GRK4: variants seen among roughly 807,000 people sequenced by gnomAD.
GRK4 encodes G protein-coupled receptor kinase 2-like.
In GRK4, 73 loss-of-function variants were observed where a neutral mutation model predicts 77.9. The ratio of observed to expected loss-of-function variants is 0.94; its 90% CI spans 0.78 to 1.14. The LOEUF is 1.14. GRK4 is among the 50% of genes most tolerant of loss of function. The pLI, the probability that GRK4 is intolerant of heterozygous loss-of-function variation, is 0.00. For synonymous variants in GRK4, 257 were observed against 254.4 expected (o/e 1.01, Z -0.10); for missense variants, 729 against 700.2 (o/e 1.04, Z -0.46).
At chr4:2,968,686 A>G (rs985742676) in intron 1 of GRK4, among the ~76,000 whole-genome samples, 6 of 152,170 alleles carry the variant, frequency 3.9e-5, no homozygotes, top group Non-Finnish European at 1.5e-5. Flanking sequence ...GACGTGTGGC[A>G]TATTAGCAAG....
At chr4:3,006,169 C>G (rs1287195880) in intron 5 of GRK4, among the ~76,000 whole-genome samples, 1 of 152,054 alleles carries the variant, frequency 6.6e-6, no homozygotes, top group Non-Finnish European at 1.5e-5. Flanking sequence ...CACCTGAGGT[C>G]AGGAGTTCGA....
chr4:3,005,165 A>T lies in GRK4; in HGVS notation c.443+831A>T, dbSNP rs1246599119. Among the ~76,000 whole-genome samples the T allele has an allele frequency of 5.3e-5, 8 of 152,024 alleles. No individual in the cohort carries two copies. In the East Asian group the frequency reaches 1.4e-3, roughly 26 times the overall value. On this transcript the variant is annotated intron_variant, in intron 5 of 15. Transcript: ENST00000398052. ...AATTCAGTTTCTTTACATATGCGGG[A>T]TGAAAGAACAGTTTCTGAGGTGATC... is the stretch of plus-strand genomic sequence containing the variant.
chr4:3,037,583 C>CTGTG lies in GRK4; in HGVS notation c.1545+72_1545+73insTGTG, dbSNP rs113383212. On this transcript the variant is annotated intron_variant, in intron 14 of 15. Coordinates refer to ENST00000398052, the MANE Select transcript of GRK4 (RefSeq NM_182982.3). The stretch of plus-strand genomic sequence containing the variant: ...CCCAGGGAAAAGGGTGTGTGTGTGT[C>CTGTG]CGTGTGTGTGTGTGTGTCTGTGTGT... The CTGTG allele has an allele frequency of 4.4e-3, 5,988 of 1,347,542 alleles. 191 individuals carry two copies. The African/African-American group carries it at 0.077, about 17-fold the overall frequency. The allele number at this position is 1,347,542 out of a possible 1,614,324, so 83.5% of individuals were successfully genotyped here.
chr4:2,983,879 C>T (rs1250446665), intron 1 of GRK4, among the ~76,000 whole-genome samples: 4 of 152,002 alleles, frequency 2.6e-5, no homozygotes, highest in Admixed American at 2.0e-4. Flanking sequence ...AAGCAAGGCA[C>T]GTCTTACATG....
chr4:3,023,728 C>T (rs886670264), intron 10 of GRK4, among the ~76,000 whole-genome samples: 9 of 152,196 alleles, frequency 5.9e-5, no homozygotes, highest in Non-Finnish European at 1.0e-4. Context: ...CTAAGCGAAG[C>T]TGCTCACTTA....
chr4:2,987,039 T>C (rs1724601221), intron 2 of GRK4: 1 of 465,530 alleles, frequency 2.1e-6, no homozygotes, highest in Non-Finnish European at 4.2e-6. Flanking sequence ...TGTGAAACCA[T>C]CACCACAGTC....
intron 8 of GRK4, among the ~76,000 whole-genome samples, chr4:3,015,803 G>A (rs1734287777): frequency 1.3e-5 from 2 of 152,018 alleles, no homozygotes; most frequent in Admixed American, 6.6e-5. Flanking sequence ...GCTGGGCTTG[G>A]TGGCTCATGC....
At chr4:2,969,348 TTTTCTTTTCTTTTCTTTCTTTC>T in intron 1 of GRK4, 1 of 151,642 alleles carries the variant, frequency 6.6e-6, no homozygotes, top group Non-Finnish European at 1.5e-5. Flanking sequence ...CCAAATTTTC[TTTTCTTTTCTTTTCTTTCTTTC>T]TTTCTTTTCT....
intron 2 of GRK4, among the ~76,000 whole-genome samples, chr4:2,987,577 T>C (rs1724785964): frequency 6.6e-6 from 1 of 152,216 alleles, no homozygotes; most frequent in South Asian, 2.1e-4. Context: ...TGAATAGTGT[T>C]GCTGGGAACA....
intron 10 of GRK4, among the ~76,000 whole-genome samples, chr4:3,022,840 C>T (rs1736460184): frequency 6.6e-6 from 1 of 152,052 alleles, no homozygotes; most frequent in African/African-American, 2.4e-5. Flanking sequence ...CTGTGCGCCA[C>T]CATGCTTGGC....
At chr4:3,034,256 A>T (rs1367918593) in intron 12 of GRK4, among the ~76,000 whole-genome samples, 1 of 152,174 alleles carries the variant, frequency 6.6e-6, no homozygotes, top group East Asian at 1.9e-4. Flanking sequence ...CCCAGCAAGG[A>T]GCTGAGAGCG....
chr4:2,996,511 C>T (rs1376068354), intron 4 of GRK4, among the ~76,000 whole-genome samples: 3 of 151,940 alleles, frequency 2.0e-5, no homozygotes, highest in South Asian at 4.2e-4. Context: ...GCTGAGTTCG[C>T]GCCACTGCAC....
chr4:2,977,608 G>T (rs1340454992), intron 1 of GRK4, among the ~76,000 whole-genome samples: 1 of 152,162 alleles, frequency 6.6e-6, no homozygotes, highest in Non-Finnish European at 1.5e-5. Context: ...GGAGGGAGTG[G>T]GTGAGTAGAC....
chr4:3,035,527 A>G lies in GRK4; in HGVS notation c.1407+4A>G, dbSNP rs185606857. 19 of 1,611,310 alleles carry G rather than the reference A, an allele frequency of 1.2e-5. No individual in the cohort carries two copies. The East Asian group carries it at 4.0e-4, about 34-fold the overall frequency. On this transcript the variant is annotated splice_donor_region_variant and intron_variant, in intron 13 of 15. Coordinates refer to ENST00000398052, the MANE Select transcript of GRK4 (RefSeq NM_182982.3). The stretch of plus-strand genomic sequence containing the variant: ...GGAGCCCCCTTTCTGTCCTGATGTA[A>G]GTGCATTGCCAGGACGAGCAGGGCC...
intron 2 of GRK4, 152 bp downstream of exon 2, chr4:2,984,760 CT>C: frequency 2.4e-6 from 1 of 412,138 alleles, no homozygotes; most frequent in Non-Finnish European, 4.4e-6. Flanking sequence ...AAAAAAAATC[CT>C]TTAGATTTTC....
chr4:3,012,997 T>G (rs1436614979), intron 7 of GRK4, among the ~76,000 whole-genome samples: 1 of 151,336 alleles, frequency 6.6e-6, no homozygotes, highest in African/African-American at 2.4e-5. Flanking sequence ...CAAGAAAAAT[T>G]AGCCAGGCAT....
In GRK4 at chr4:3,004,320, T is replaced by C. The variant is rs1730680164; in HGVS notation, c.429T>C (p.Phe143=). 2.5e-6 allele frequency: 4 copies of C among 1,605,448 alleles called. No homozygotes were observed. Among genetic ancestry groups the C allele is most frequent in the Non-Finnish European group, 2.6e-6 (3 of 1,172,172 alleles). ...LKEENPSKKA[F]EECTRVAHNY... is the part of the protein sequence containing the mutation. Reference sequence around the variant, plus strand: ...AGGAGAACCCTTCCAAAAAAGCCTTTGAGGAATGTACTAGGTAAGTGGTTC... The same window carrying C: ...AGGAGAACCCTTCCAAAAAAGCCTTCGAGGAATGTACTAGGTAAGTGGTTC... The change falls in exon 5 of 16, where the codon TTT becomes TTC. Residue 143 remains phenylalanine, a synonymous_variant. Coordinates refer to ENST00000398052, the MANE Select transcript of GRK4 (RefSeq NM_182982.3).
chr4:3,008,580 A>G (rs1002324996), intron 6 of GRK4, among the ~76,000 whole-genome samples: 1 of 152,122 alleles, frequency 6.6e-6, no homozygotes. Flanking sequence ...AGGCGGGTGG[A>G]TCACCTGAGG....
At chr4:3,009,100 C>T (rs533296989) in intron 6 of GRK4, among the ~76,000 whole-genome samples, 1 of 152,242 alleles carries the variant, frequency 6.6e-6, no homozygotes, top group South Asian at 2.1e-4. Flanking sequence ...TTAGACTGTT[C>T]TGCCTTTTGC....
Sources: allele counts gnomAD v4.1 joint callset (sites outside exome capture counted in the v4.1 genomes callset), GRCh38; gene constraint gnomAD v4.1.1; transcripts MANE v1.5; gene names NCBI Gene and HGNC (gene_info 2026-07-23, HGNC 2026-07-21).